The following INSC variants were observed in gnomAD, a reference collection of about 807,000 sequenced individuals.
INSC encodes the protein protein inscuteable homolog.
INSC carries 67 observed loss-of-function variants against 58.6 expected under a neutral mutation model. That is an observed-to-expected ratio of 1.14 (90% CI 0.94 to 1.40). INSC has a LOEUF of 1.40. Ranked by LOEUF, INSC falls within the 40% of genes most tolerant of loss-of-function variation. The pLI is 0.00. For synonymous variants in INSC, 262 were observed against 276.1 expected (o/e 0.95, Z 0.51); for missense variants, 714 against 692.0 (o/e 1.03, Z -0.36).
At chr11:15,249,513 TA>T (rs1204023261), downstream of INSC, among the ~76,000 whole-genome samples, 1 of 152,132 alleles carries the variant, frequency 6.6e-6, no homozygotes, top group Non-Finnish European at 1.5e-5. Context: ...GGCCTCAAAG[TA>T]AGGAAGATAC....
intron 2 of INSC, among the ~76,000 whole-genome samples, chr11:15,175,424 T>TG (rs1445939977): frequency 4.6e-5 from 7 of 152,174 alleles, no homozygotes; most frequent in Non-Finnish European, 7.4e-5. Context: ...AGGCTGGTCT[T>TG]GAACTCCTGG....
At chr11:15,157,710 C>T (rs1848863828) in intron 2 of INSC, among the ~76,000 whole-genome samples, 1 of 152,164 alleles carries the variant, frequency 6.6e-6, no homozygotes, top group Non-Finnish European at 1.5e-5. Context: ...GCCACAGTCC[C>T]TAGACTCCCA....
intron 2 of INSC, among the ~76,000 whole-genome samples, chr11:15,166,112 C>G (rs1268649132): frequency 1.3e-5 from 2 of 152,142 alleles, no homozygotes; most frequent in African/African-American, 4.8e-5. Context: ...AGAGATACTG[C>G]TTAATGTTTT....
upstream of INSC, among the ~76,000 whole-genome samples, chr11:15,113,119 C>CTCTCTCTT (rs1554899334): frequency 6.8e-5 from 5 of 73,258 alleles, no homozygotes; most frequent in South Asian, 5.2e-4. Context: ...TTCTCTCTCT[C>CTCTCTCTT]TCTTTCTTTC....
At chr11:15,184,048 A>G (rs1402718957) in intron 5 of INSC, among the ~76,000 whole-genome samples, 1 of 152,180 alleles carries the variant, frequency 6.6e-6, no homozygotes, top group Non-Finnish European at 1.5e-5. Flanking sequence ...TAATTGAATT[A>G]CATATGCTTT....
Position 15,190,817 on chromosome 11 carries a change from G to A in INSC, c.693+3G>A, listed in dbSNP as rs776767578. On this transcript the variant is annotated splice_donor_region_variant and intron_variant, in intron 6 of 12. Transcript: ENST00000379556. ...CCTTGTGCCGCATCATAGCCAAGGT[G>A]AGCTTCATGGTTAGGGACCAAAATG... The A allele has an allele frequency of 1.9e-6, 3 of 1,605,042 alleles. No individual in the cohort carries two copies. The highest frequency in any genetic ancestry group is 2.6e-6 in the Non-Finnish European group (3 of 1,171,790).
At chr11:15,225,570 A>G in intron 8 of INSC, 80 bp from the exon 9 acceptor site, 1 of 1,381,866 alleles carries the variant, frequency 7.2e-7, no homozygotes, top group Admixed American at 2.1e-5. Context: ...GATCTCCCAG[A>G]GGTATTGTGT....
At position 15,172,625 on chromosome 11, in the gene INSC, G is replaced by T. The variant is rs549411594; in HGVS notation, c.57-3116G>T. 1.8e-4 allele frequency among the ~76,000 whole-genome samples: 28 copies of T among 152,348 alleles called. No homozygotes were observed. In the South Asian group the frequency reaches 5.2e-3, roughly 28 times the overall value. On this transcript the variant is annotated intron_variant, in intron 2 of 12. Coordinates refer to ENST00000379556, the MANE Select transcript of INSC (RefSeq NM_001042536.3). ...GGAGGTAATATAAGAGTCAGGTCTT[G>T]CAGGGTGAGTAGAAACTTGCCAGGT... is the stretch of plus-strand genomic sequence containing the variant.
chr11:15,237,151 A>G (rs1852163871), intron 10 of INSC, among the ~76,000 whole-genome samples: 1 of 152,246 alleles, frequency 6.6e-6, no homozygotes, highest in African/African-American at 2.4e-5. Context: ...GTGCTAGACA[A>G]TGAGAACAGA....
At chr11:15,152,328 G>A (rs1848680617) in intron 2 of INSC, among the ~76,000 whole-genome samples, 1 of 152,152 alleles carries the variant, frequency 6.6e-6, no homozygotes, top group Admixed American at 6.5e-5. Context: ...AATGTCCAGG[G>A]CCTTCATGTC....
chr11:15,250,134 C>T (rs2133994381), downstream of INSC, among the ~76,000 whole-genome samples: 1 of 152,260 alleles, frequency 6.6e-6, no homozygotes, highest in South Asian at 2.1e-4. Context: ...AATCCGTACA[C>T]CCAGATTCTT....
At chr11:15,177,340 A>G (rs1186328633) in intron 4 of INSC, among the ~76,000 whole-genome samples, 177 bp downstream of exon 4, 7 of 152,054 alleles carry the variant, frequency 4.6e-5, no homozygotes, top group Non-Finnish European at 1.0e-4. Context: ...TTTCTGCCCC[A>G]TGTTCAGGCC....
intron 1 of INSC, among the ~76,000 whole-genome samples, chr11:15,118,776 A>AGCAT (rs1321414702): frequency 6.6e-6 from 1 of 152,192 alleles, no homozygotes. Flanking sequence ...AGCCAGTAAG[A>AGCAT]GCATTGTGTG....
chr11:15,168,873 T>C (rs1444033252), intron 2 of INSC, among the ~76,000 whole-genome samples: 1 of 152,170 alleles, frequency 6.6e-6, no homozygotes, highest in Non-Finnish European at 1.5e-5. Flanking sequence ...CTTATGAAAA[T>C]GTATTGAACT....
intron 1 of INSC, among the ~76,000 whole-genome samples, chr11:15,129,357 C>G (rs1303216904): frequency 6.6e-6 from 1 of 152,134 alleles, no homozygotes; most frequent in Non-Finnish European, 1.5e-5. Flanking sequence ...GGAAAAGTCT[C>G]TCCAATTTTT....
At chr11:15,235,999 T>C (rs1205922995) in intron 10 of INSC, among the ~76,000 whole-genome samples, 2 of 140,108 alleles carry the variant, frequency 1.4e-5, no homozygotes, top group African/African-American at 5.4e-5. Context: ...GAGGTTGCAG[T>C]GAGCTGAGAT....
At chr11:15,244,316 G>A (rs10832379) in intron 12 of INSC, among the ~76,000 whole-genome samples, 9,103 of 152,172 alleles carry the variant, frequency 0.06, 328 homozygotes, top group East Asian at 0.1. Context: ...GTTAGAGGCA[G>A]TTCTGGGGAG....
chr11:15,238,841 C>T (rs1221173568), intron 10 of INSC, 78 bp from the exon 11 acceptor site: 16 of 1,464,340 alleles, frequency 1.1e-5, no homozygotes, highest in Non-Finnish European at 1.4e-5. Flanking sequence ...TTGCACCCTG[C>T]AGCCATCTGT....
intron 10 of INSC, among the ~76,000 whole-genome samples, chr11:15,238,022 A>G (rs763200462): frequency 1.3e-5 from 2 of 152,144 alleles, no homozygotes; most frequent in Admixed American, 1.3e-4. Flanking sequence ...TGGGTGCAGA[A>G]GAGGGGAGTG....
Sources: allele counts gnomAD v4.1 joint callset (sites outside exome capture counted in the v4.1 genomes callset), GRCh38; gene constraint gnomAD v4.1.1; transcripts MANE v1.5; gene names NCBI Gene and HGNC (gene_info 2026-07-23, HGNC 2026-07-21).